The following ZDHHC21 variants were observed in gnomAD, a reference collection of about 807,000 sequenced individuals.
ZDHHC21 encodes the protein palmitoyltransferase ZDHHC21.
Under a neutral mutation model 34.6 loss-of-function variants are expected in ZDHHC21, and 15 were observed. The observed-to-expected ratio is 0.43, with a 90% CI of 0.29 to 0.67. ZDHHC21 has a LOEUF of 0.67. Among genes scored for constraint, ZDHHC21 ranks in the 30% least tolerant of loss-of-function variants. The probability of loss-of-function intolerance (pLI) is 0.14; values close to 1 mark genes in which losing one functional copy is unlikely to be tolerated. For missense variants in ZDHHC21, 344 were observed against 327.7 expected (o/e 1.05, Z -0.38); for synonymous variants, 142 against 101.8 (o/e 1.40, Z -2.38).
At chr9:14,689,016 C>T (rs1458737758) in intron 2 of ZDHHC21, among the ~76,000 whole-genome samples, 1 of 152,122 alleles carries the variant, frequency 6.6e-6, no homozygotes, top group Non-Finnish European at 1.5e-5. Context: ...CACTGCACTC[C>T]AGCCTGGTCA....
intron 1 of ZDHHC21, among the ~76,000 whole-genome samples, chr9:14,692,984 G>A (rs1429108036): frequency 1.3e-5 from 2 of 152,014 alleles, no homozygotes; most frequent in Non-Finnish European, 2.9e-5. Flanking sequence ...CACTTAGCAA[G>A]GGGCTGTAGC....
intron 1 of ZDHHC21, among the ~76,000 whole-genome samples, chr9:14,692,305 G>T (rs1839272865): frequency 6.6e-6 from 1 of 152,180 alleles, no homozygotes; most frequent in Admixed American, 6.5e-5. Flanking sequence ...GGAAAGCAGT[G>T]AATTTTTAAA....
At chr9:14,665,703 T>G (rs1194338375) in intron 5 of ZDHHC21, among the ~76,000 whole-genome samples, 1 of 139,820 alleles carries the variant, frequency 7.2e-6, no homozygotes, top group Non-Finnish European at 1.6e-5. Flanking sequence ...TCAACATTCT[T>G]AAAGAAAAGA....
At chr9:14,634,562 A>G (rs1259564538) in intron 8 of ZDHHC21, among the ~76,000 whole-genome samples, 7 of 152,174 alleles carry the variant, frequency 4.6e-5, no homozygotes, top group Non-Finnish European at 1.0e-4. Flanking sequence ...ACCCTAAGCC[A>G]CTGATGAAAT....
chr9:14,629,050 G>A (rs558960621), intron 8 of ZDHHC21, among the ~76,000 whole-genome samples: 4 of 152,202 alleles, frequency 2.6e-5, no homozygotes, highest in South Asian at 2.1e-4. Context: ...AAAAGTACTC[G>A]TATTCAAGAG....
the ZDHHC21 span, chr9:14,593,432 A>G: frequency 6.6e-6 from 1 of 152,330 alleles, no homozygotes; most frequent in South Asian, 2.1e-4. Flanking sequence ...ATAAATTTCC[A>G]AAACAGGCTT....
At chr9:14,605,881 A>C in the ZDHHC21 span, among the ~76,000 whole-genome samples, 134 of 152,322 alleles carry the variant, frequency 8.8e-4, 1 homozygote, top group African/African-American at 3.0e-3. Context: ...TTACAGAAAC[A>C]AGTTTCCAAA....
At position 14,612,654 on chromosome 9, in the gene ZDHHC21, A is replaced by G. The variant is rs1421899258; in HGVS notation, c.*6312T>C. On this transcript the variant is annotated 3_prime_UTR_variant, in exon 10 of 10. Coordinates refer to ENST00000380916, the MANE Select transcript of ZDHHC21 (RefSeq NM_178566.6). ...TTATCAGTTTTGCTTAAATCAAGGT[A>G]CATATGCATTTCCTCTTGGGAAAGC... is the stretch of plus-strand genomic sequence containing the variant. 6.6e-6 allele frequency: 1 copy of G among 151,726 alleles called. No homozygotes were observed. The highest frequency in any genetic ancestry group is 1.9e-4 in the East Asian group (1 of 5,186). 9.4% of individuals were successfully genotyped at this position (151,726 alleles called of 1,614,324 possible).
chr9:14,649,016 G>A (rs1399523074), intron 7 of ZDHHC21, among the ~76,000 whole-genome samples: 1 of 151,714 alleles, frequency 6.6e-6, no homozygotes, highest in Non-Finnish European at 1.5e-5. Flanking sequence ...GCTGGATAAT[G>A]TTTTGTTACA....
chr9:14,594,211 T>A, the ZDHHC21 span: 2 of 152,152 alleles, frequency 1.3e-5, no homozygotes, highest in Non-Finnish European at 2.9e-5. Flanking sequence ...GCAGCACCAA[T>A]GAGGATGAAA....
chr9:14,686,523 G>A (rs1279745698), intron 2 of ZDHHC21, among the ~76,000 whole-genome samples: 1 of 152,148 alleles, frequency 6.6e-6, no homozygotes, highest in Non-Finnish European at 1.5e-5. Context: ...CATTTGTGGG[G>A]GGCACAGAAC....
chr9:14,687,521 A>G (rs1838513906), intron 2 of ZDHHC21, among the ~76,000 whole-genome samples: 1 of 150,546 alleles, frequency 6.6e-6, no homozygotes, highest in African/African-American at 2.5e-5. Flanking sequence ...AAATACAACA[A>G]TTAGCCAGGC....
intron 8 of ZDHHC21, among the ~76,000 whole-genome samples, chr9:14,625,658 G>A (rs979804170): frequency 6.6e-6 from 1 of 151,806 alleles, no homozygotes; most frequent in Non-Finnish European, 1.5e-5. Flanking sequence ...CCTACTTTTT[G>A]AGAGGGCTTG....
At chr9:14,684,833 T>A (rs1002735703) in intron 2 of ZDHHC21, among the ~76,000 whole-genome samples, 1 of 152,262 alleles carries the variant, frequency 6.6e-6, no homozygotes, top group East Asian at 1.9e-4. Flanking sequence ...CAAAACACCA[T>A]GGTACTGGTA....
At chr9:14,676,665 A>G (rs1836438991) in intron 3 of ZDHHC21, among the ~76,000 whole-genome samples, 1 of 152,018 alleles carries the variant, frequency 6.6e-6, no homozygotes, top group South Asian at 2.1e-4. Flanking sequence ...TTAAAAATCA[A>G]AAGACAGATT....
intron 6 of ZDHHC21, among the ~76,000 whole-genome samples, chr9:14,661,098 G>A (rs1010109298): frequency 5.9e-5 from 9 of 152,086 alleles, no homozygotes; most frequent in Admixed American, 1.3e-4. Context: ...TCAACTATAT[G>A]TCATACACTA....
intron 7 of ZDHHC21, among the ~76,000 whole-genome samples, chr9:14,641,429 A>G (rs1054321048): frequency 6.6e-6 from 1 of 152,224 alleles, no homozygotes; most frequent in Non-Finnish European, 1.5e-5. Context: ...AACACTATTT[A>G]AAAACACAAA....
rs1240003098 is a variant in ZDHHC21, at chr9:14,658,560, C to T, written c.504+189G>A. Among the ~76,000 whole-genome samples, 7 of 147,168 alleles carry T rather than the reference C, an allele frequency of 4.8e-5. No homozygotes were observed. In the East Asian group the frequency reaches 9.9e-4, roughly 21 times the overall value. Reference sequence around the variant, plus strand: ...ATCTCGGCTCACTGCAGGCTCCGCCCCCTGGGGTTCACGCCATTCTCCTGC... The same window carrying T: ...ATCTCGGCTCACTGCAGGCTCCGCCTCCTGGGGTTCACGCCATTCTCCTGC... On this transcript the variant is annotated intron_variant, in intron 7 of 9. Transcript: ENST00000380916.
chr9:14,658,047 C>A (rs1832591701), intron 7 of ZDHHC21, among the ~76,000 whole-genome samples: 1 of 152,114 alleles, frequency 6.6e-6, no homozygotes, highest in African/African-American at 2.4e-5. Context: ...GATATCATTA[C>A]TGATGAAAGG....
Sources: allele counts gnomAD v4.1 joint callset (sites outside exome capture counted in the v4.1 genomes callset), GRCh38; gene constraint gnomAD v4.1.1; transcripts MANE v1.5; gene names NCBI Gene and HGNC (gene_info 2026-07-23, HGNC 2026-07-21).